The following SYNCRIP variants were observed in gnomAD, a reference collection of about 807,000 sequenced individuals.
SYNCRIP encodes the protein heterogeneous nuclear ribonucleoprotein Q.
SYNCRIP carries 9 observed loss-of-function variants against 68.9 expected under a neutral mutation model. That is an observed-to-expected ratio of 0.13 (90% CI 0.08 to 0.23). The LOEUF is 0.23. SYNCRIP is among the 10% of genes least tolerant of loss of function. The pLI, the probability that SYNCRIP is intolerant of heterozygous loss-of-function variation, is 1.00. For synonymous variants in SYNCRIP, 258 were observed against 254.0 expected, an observed-to-expected ratio of 1.02 and a Z score of -0.15; for missense variants, 414 against 770.6, an observed-to-expected ratio of 0.54 and a Z score of 5.48.
chr6:85,613,129 T>C (rs1805378788), downstream of SYNCRIP, among the ~76,000 whole-genome samples: 1 of 152,070 alleles, frequency 6.6e-6, no homozygotes, highest in Non-Finnish European at 1.5e-5. Flanking sequence ...TTTTGCCCCT[T>C]TGAGTGAGGA....
At chr6:85,640,607 A>T (rs781776804) in intron 2 of SYNCRIP, 43 bp from the exon 3 acceptor site, 53 of 1,281,852 alleles carry the variant, frequency 4.1e-5, no homozygotes, top group Admixed American at 2.4e-5. Flanking sequence ...TTTTTAGAAA[A>T]GATTTTTTAG....
chr6:85,618,986 T>C, intron 9 of SYNCRIP, 47 bp from the exon 10 acceptor site: 1 of 1,544,318 alleles, frequency 6.5e-7, no homozygotes, highest in Admixed American at 1.9e-5. Flanking sequence ...TTTCATACAA[T>C]TATGATTCAT....
intron 4 of SYNCRIP, among the ~76,000 whole-genome samples, chr6:85,638,209 T>C (rs1420396631): frequency 6.6e-6 from 1 of 151,634 alleles, no homozygotes; most frequent in Non-Finnish European, 1.5e-5. Flanking sequence ...CTGTCTCTAC[T>C]AAAAATACAA....
At chr6:85,634,342 T>TACTATGGTGACCGTC (rs1808189253) in intron 6 of SYNCRIP, among the ~76,000 whole-genome samples, 1 of 152,232 alleles carries the variant, frequency 6.6e-6, no homozygotes, top group Non-Finnish European at 1.5e-5. Context: ...AGTGGTCACC[T>TACTATGGTGACCGTC]ACCATAATTG....
In SYNCRIP at chr6:85,619,128, T is replaced by A. The variant is rs985708393; in HGVS notation, c.1158+140A>T. 2.3e-6 allele frequency: 3 copies of A among 1,285,278 alleles called. No homozygotes were observed. In the African/African-American group the frequency reaches 4.5e-5, roughly 19 times the overall value. 79.6% of individuals were successfully genotyped at this position (1,285,278 alleles called of 1,614,324 possible). On this transcript the variant is annotated intron_variant, in intron 9 of 10. Coordinates refer to ENST00000369622, the MANE Select transcript of SYNCRIP (RefSeq NM_006372.5). The stretch of plus-strand genomic sequence containing the variant: ...ATTTTTACTTAGAAAACTGCCAACA[T>A]CACTAAAACCAAAAGGTTTTAGTTT...
intron 1 of SYNCRIP, among the ~76,000 whole-genome samples, 164 bp downstream of exon 1, chr6:85,642,633 G>C (rs1432436869): frequency 2.0e-5 from 3 of 152,226 alleles, no homozygotes; most frequent in Non-Finnish European, 4.4e-5. Flanking sequence ...GGAAGTGGCG[G>C]CGCGGGCCGC....
intron 6 of SYNCRIP, among the ~76,000 whole-genome samples, chr6:85,626,228 TTAAAC>T (rs1807018255): frequency 6.6e-6 from 1 of 152,192 alleles, no homozygotes; most frequent in African/African-American, 2.4e-5. Context: ...GCAAGTAAAA[TTAAAC>T]TAAGAACACA....
intron 6 of SYNCRIP, among the ~76,000 whole-genome samples, chr6:85,633,774 T>G (rs1808111675): frequency 1.3e-5 from 2 of 152,004 alleles, no homozygotes; most frequent in Admixed American, 1.3e-4. Context: ...AGCCTTGACC[T>G]CCTGGGACCA....
At chr6:85,610,416 C>T (rs997792315), downstream of SYNCRIP, 3 of 151,812 alleles carry the variant, frequency 2.0e-5, no homozygotes, top group Non-Finnish European at 4.4e-5. Context: ...TAAGTATAAC[C>T]ATCAATTCTT....
chr6:85,630,393 C>T (rs1034744926), intron 6 of SYNCRIP, among the ~76,000 whole-genome samples: 19 of 152,112 alleles, frequency 1.2e-4, no homozygotes, highest in African/African-American at 1.7e-4. Context: ...AAAATCGTAA[C>T]GTGCAAACAG....
chr6:85,642,029 G>A (rs991143127), intron 1 of SYNCRIP, among the ~76,000 whole-genome samples: 11 of 152,274 alleles, frequency 7.2e-5, no homozygotes, highest in Middle Eastern at 3.4e-3. Flanking sequence ...CACGTGCTCT[G>A]CGCCTTCCAA....
At chr6:85,641,188 G>C (rs1809100273) in intron 2 of SYNCRIP, 104 bp downstream of exon 2, 1 of 870,050 alleles carries the variant, frequency 1.1e-6, no homozygotes, top group Admixed American at 2.3e-5. Flanking sequence ...CAAAACTCCA[G>C]TACCCACACT....
upstream of SYNCRIP, chr6:85,643,706 C>G (rs1282573317): frequency 6.6e-6 from 1 of 151,222 alleles, no homozygotes; most frequent in African/African-American, 2.4e-5. Context: ...GGGCAGAGTG[C>G]TGTGGGCGCT....
chr6:85,608,736 C>T (rs1270060512), exon 12 of SYNCRIP: 1 of 151,936 alleles, frequency 6.6e-6, no homozygotes, highest in Non-Finnish European at 1.5e-5. Context: ...TATTAAAAAC[C>T]TAATCTTTGA....
chr6:85,620,023 G>A (rs1262156259), intron 8 of SYNCRIP, among the ~76,000 whole-genome samples: 2 of 152,282 alleles, frequency 1.3e-5, no homozygotes, highest in East Asian at 1.9e-4. Context: ...GAGGCGGGCA[G>A]ATCACCTGAG....
chr6:85,631,272 G>A (rs767637484), intron 6 of SYNCRIP, among the ~76,000 whole-genome samples: 9 of 150,206 alleles, frequency 6.0e-5, no homozygotes, highest in Non-Finnish European at 8.8e-5. Context: ...CCAGGAGGCA[G>A]AGGGTGCAGT....
intron 6 of SYNCRIP, among the ~76,000 whole-genome samples, chr6:85,625,312 A>C (rs1357520216): frequency 6.6e-6 from 1 of 152,034 alleles, no homozygotes; most frequent in Non-Finnish European, 1.5e-5. Flanking sequence ...AAAAGTAAAA[A>C]GATGACTCCT....
intron 2 of SYNCRIP, 112 bp from the exon 3 acceptor site, chr6:85,640,676 C>T (rs4348284): frequency 0.48 from 267,181 of 552,228 alleles, 68,222 homozygotes; most frequent in African/African-American, 0.69. Context: ...CTACTCCCCT[C>T]ATCTATACCT....
At position 85,629,201 on chromosome 6, in the gene SYNCRIP, G is replaced by GTGC. The variant is rs1444153309; in HGVS notation, c.667-5092_667-5090dup. 1.4e-4 allele frequency among the ~76,000 whole-genome samples: 22 copies of GTGC among 151,980 alleles called. 1 individual carries two copies. The highest frequency in any genetic ancestry group is 1.4e-3 in the Admixed American group (21 of 15,268). On this transcript the variant is annotated intron_variant, in intron 6 of 10. Coordinates refer to ENST00000369622, the MANE Select transcript of SYNCRIP (RefSeq NM_006372.5). ...ACTAGATTCACCTTTTTTCTTCACT[G>GTGC]TGCTGCTCAAACCTCTTTATTGCAA... is the stretch of plus-strand genomic sequence containing the variant.
Sources: gnomAD v4.1 joint callset for allele counts (sites outside exome capture counted in the v4.1 genomes callset) on GRCh38, gnomAD v4.1.1 for gene constraint, MANE v1.5 for transcripts, NCBI Gene and HGNC (gene_info 2026-07-23, HGNC 2026-07-21) for gene names.